Variants in FAM222A observed in about 807,000 individuals in gnomAD.
FAM222A encodes the protein protein FAM222A.
FAM222A carries 7 observed loss-of-function variants against 25.8 expected under a neutral mutation model. That is an observed-to-expected ratio of 0.27 (90% CI 0.15 to 0.51). FAM222A has a LOEUF of 0.51. Among genes scored for constraint, FAM222A ranks in the 20% least tolerant of loss-of-function variants. The pLI is 0.97. For synonymous variants in FAM222A, 294 were observed against 298.8 expected (o/e 0.98, Z 0.17); for missense variants, 573 against 640.5 (o/e 0.89, Z 1.14).
chr12:109,744,900 GA>G, intron 2 of FAM222A: 1 of 516,276 alleles, frequency 1.9e-6, no homozygotes, highest in Non-Finnish European at 2.5e-6. Context: ...AGAGCTGAAT[GA>G]CTGCCTCTTT....
intron 1 of FAM222A, among the ~76,000 whole-genome samples, chr12:109,742,611 C>CT (rs201720366): frequency 0.79 from 113,041 of 142,192 alleles, 45,141 homozygotes; most frequent in Non-Finnish European, 0.82. Context: ...CTCTCTCGCT[C>CT]TTTTTTTTTT....
chr12:109,756,552 T>C (rs1409741721), intron 2 of FAM222A, among the ~76,000 whole-genome samples: 1 of 152,220 alleles, frequency 6.6e-6, no homozygotes, highest in African/African-American at 2.4e-5. Flanking sequence ...CATAGTTTTT[T>C]GAGTGTTTTT....
chr12:109,742,766 G>A (rs1057056926), intron 1 of FAM222A, among the ~76,000 whole-genome samples: 5 of 152,090 alleles, frequency 3.3e-5, no homozygotes, highest in Admixed American at 6.5e-5. Flanking sequence ...TTCATTTACC[G>A]AGAGGCCAGG....
intron 2 of FAM222A, among the ~76,000 whole-genome samples, chr12:109,764,148 T>G (rs1850326652): frequency 1.4e-5 from 2 of 143,466 alleles, no homozygotes; most frequent in African/African-American, 5.2e-5. Context: ...GAGGATCACT[T>G]GAGCCTGGGA....
chr12:109,765,401 C>A (rs541237962), intron 2 of FAM222A, among the ~76,000 whole-genome samples: 4 of 152,328 alleles, frequency 2.6e-5, no homozygotes, highest in African/African-American at 9.6e-5. Context: ...GAGGCCCTCC[C>A]GGCCGGCCAC....
chr12:109,764,415 T>C (rs1402402190), intron 2 of FAM222A, among the ~76,000 whole-genome samples: 4 of 152,298 alleles, frequency 2.6e-5, no homozygotes, highest in South Asian at 2.1e-4. Flanking sequence ...ACTCCTTTTT[T>C]TTCTTCTTCT....
In FAM222A at chr12:109,768,254, G is replaced by A. The variant is rs187227500; in HGVS notation, c.325G>A (p.Ala109Thr). ...GGGCCTTCTGGCCATTGTCAAGGCC[G>A]CGGTTTCCTCCTCCAGCACGGCCGC... ...YQGLLAIVKA[A>T]VSSSSTAAPA... Residue 109 changes from alanine to threonine, a missense_variant, in exon 3 of 3, where the codon GCG becomes ACG. By Grantham distance (58) the Ala-to-Thr change is moderately conservative. This residue lies in a region of FAM222A where 112 missense variants were observed against 154.6 expected (regional missense o/e 0.72). Transcript: ENST00000538780. The A allele has an allele frequency of 8.9e-5, 143 of 1,609,166 alleles. 1 individual carries two copies. In the Admixed American group the frequency reaches 2.2e-3, roughly 25 times the overall value.
intron 1 of FAM222A, among the ~76,000 whole-genome samples, chr12:109,715,363 G>A (rs1887622955): frequency 6.6e-6 from 1 of 152,208 alleles, no homozygotes; most frequent in Non-Finnish European, 1.5e-5. Flanking sequence ...GCCCCATGGG[G>A]CTAGACCTTA....
At chr12:109,718,171 A>T (rs968266763) in intron 1 of FAM222A, among the ~76,000 whole-genome samples, 1 of 152,164 alleles carries the variant, frequency 6.6e-6, no homozygotes, top group Non-Finnish European at 1.5e-5. Context: ...GGCTACTGTT[A>T]CCTCCTCCTC....
chr12:109,723,982 GAA>G (rs1334906049), intron 1 of FAM222A, among the ~76,000 whole-genome samples: 4 of 151,764 alleles, frequency 2.6e-5, no homozygotes, highest in Non-Finnish European at 4.4e-5. Flanking sequence ...AACTACAAAA[GAA>G]ACAATTGCCA....
At position 109,768,176 on chromosome 12, in the gene FAM222A, G is replaced by A. The variant is rs199960704; in HGVS notation, c.247G>A (p.Asp83Asn). 2 of 1,613,698 alleles carry A rather than the reference G, an allele frequency of 1.2e-6. No homozygotes were observed. Among genetic ancestry groups the A allele is most frequent in the Non-Finnish European group, 1.7e-6 (2 of 1,179,982 alleles). Residue 83 changes from aspartate to asparagine, a missense_variant, in exon 3 of 3, where the codon GAC (aspartate) becomes AAC (asparagine). By Grantham distance (23) the Asp-to-Asn change is conservative. Coordinates refer to ENST00000538780, the MANE Select transcript of FAM222A (RefSeq NM_032829.3). Reference protein sequence around the residue: ...KHLSRTVNGYDTSGQRYSPYP... With the variant: ...KHLSRTVNGYNTSGQRYSPYP... ...CCTCAGCCGCACAGTCAATGGCTATGACACCAGTGGCCAGCGCTACAGCCC... is the reference window on the plus strand; with the variant it reads ...CCTCAGCCGCACAGTCAATGGCTATAACACCAGTGGCCAGCGCTACAGCCC...
At chr12:109,758,273 G>A (rs930898730) in intron 2 of FAM222A, among the ~76,000 whole-genome samples, 6 of 152,152 alleles carry the variant, frequency 3.9e-5, no homozygotes, top group African/African-American at 1.4e-4. Context: ...CCCATTGTTC[G>A]CTGCTACCCT....
chr12:109,720,086 T>C (rs901213440), intron 1 of FAM222A: 2 of 985,298 alleles, frequency 2.0e-6, no homozygotes, highest in Admixed American at 6.1e-5. Context: ...TGCAGGGGGC[T>C]TAGCTGAGCC....
chr12:109,740,033 C>A (rs940486764), intron 1 of FAM222A, among the ~76,000 whole-genome samples: 1 of 152,182 alleles, frequency 6.6e-6, no homozygotes. Flanking sequence ...CAGGCGAGGG[C>A]GAGATGACAA....
chr12:109,728,300 A>G (rs1288116665), intron 1 of FAM222A, among the ~76,000 whole-genome samples: 1 of 152,138 alleles, frequency 6.6e-6, no homozygotes, highest in Non-Finnish European at 1.5e-5. Context: ...TGTGAGGATC[A>G]GAGAGCTAAG....
At position 109,760,529 on chromosome 12, in the gene FAM222A, G is replaced by A. The variant is rs771894554; in HGVS notation, c.83-7483G>A. On this transcript the variant is annotated intron_variant, in intron 2 of 2. Transcript: ENST00000538780. ...ACTGGCAGCCTGTGGACCACATCCC[G>A]CCCACCTGGTGTGTGGTTGGCCCTG... Among the ~76,000 whole-genome samples, 26 of 152,280 alleles carry A rather than the reference G, an allele frequency of 1.7e-4. No individual in the cohort carries two copies. In the South Asian group the frequency reaches 2.3e-3, roughly 13 times the overall value.
chr12:109,713,972 G>T lies in FAM222A; in HGVS notation c.-972G>T, dbSNP rs1385131930. Among the ~76,000 whole-genome samples, 1 of 146,198 alleles carries T rather than the reference G, an allele frequency of 6.8e-6. No homozygotes were observed. Among genetic ancestry groups the T allele is most frequent in the East Asian group, 2.0e-4 (1 of 5,052 alleles). On this transcript the variant is annotated 5_prime_UTR_variant, in exon 1 of 3. Coordinates refer to ENST00000538780, the MANE Select transcript of FAM222A (RefSeq NM_032829.3). ...ACCCGGGCCTGAGACCAGGCGAGGC[G>T]CCGGCGCGCGCCAGACGGCGCGAGG...
At position 109,749,306 on chromosome 12, in the gene FAM222A, G is replaced by A. The variant is rs1455336482; in HGVS notation, c.82+5078G>A. On this transcript the variant is annotated intron_variant, in intron 2 of 2. Transcript: ENST00000538780. ...TTTTTAGTAGAGACGGGGTTTCTCC[G>A]TGTTAGTCAGGCTGGTCTCAAACTC... is the stretch of plus-strand genomic sequence containing the variant. Among the ~76,000 whole-genome samples, 7 of 152,126 alleles carry A rather than the reference G, an allele frequency of 4.6e-5. No homozygotes were observed. In the East Asian group the frequency reaches 9.7e-4, roughly 21 times the overall value.
At chr12:109,761,721 C>G (rs901748113) in intron 2 of FAM222A, among the ~76,000 whole-genome samples, 1 of 152,196 alleles carries the variant, frequency 6.6e-6, no homozygotes, top group Admixed American at 6.5e-5. Context: ...TCTGAGGGCC[C>G]CTGGGTGTGG....
Sources: allele counts gnomAD v4.1 joint callset (sites outside exome capture counted in the v4.1 genomes callset), GRCh38; gene constraint gnomAD v4.1.1; regional missense constraint gnomAD v4.1.1; transcripts MANE v1.5; gene names NCBI Gene and HGNC (gene_info 2026-07-23, HGNC 2026-07-21).